EP400: variants seen among roughly 807,000 people sequenced by gnomAD.
The protein encoded by EP400 is E1A binding protein p400.
EP400 carries 105 observed loss-of-function variants against 354.1 expected under a neutral mutation model. That is an observed-to-expected ratio of 0.30 (90% CI 0.25 to 0.35). The LOEUF is 0.35. Ranked by LOEUF, EP400 falls within the 10% of genes least tolerant of loss-of-function variation. EP400 has a pLI of 1.00. For missense variants in EP400, 3,280 were observed against 4,121.0 expected (o/e 0.80, Z 5.59); for synonymous variants, 1,646 against 1,716.9 (o/e 0.96, Z 1.02).
In EP400 at chr12:132,045,811, G is replaced by A. The variant is rs186391694; in HGVS notation, c.7111G>A (p.Val2371Ile). ...HTPNWDLVSDVVNSCSRIYRS... is the reference protein window; with the variant it reads ...HTPNWDLVSDIVNSCSRIYRS... ...ACCTAATTGGGATCTTGTCAGTGACGTTGTTAACTCCTGTAGCCGAATCTA... is the reference window on the plus strand; with the variant it reads ...ACCTAATTGGGATCTTGTCAGTGACATTGTTAACTCCTGTAGCCGAATCTA... The change falls in exon 39 of 53, where the codon GTT becomes ATT. Residue 2371 changes from valine to isoleucine, a missense_variant. Val to Ile is a conservative substitution (Grantham distance 29). Coordinates refer to ENST00000389561, the MANE Select transcript of EP400 (RefSeq NM_015409.5). The A allele has an allele frequency of 1.5e-5, 24 of 1,614,192 alleles. No individual in the cohort carries two copies. The highest frequency in any genetic ancestry group is 6.7e-5 in the Admixed American group (4 of 60,020).
rs779290799 is a variant in EP400 at position 132,053,374 on chromosome 12, C to T, written c.7505C>T (p.Pro2502Leu). The T allele has an allele frequency of 1.3e-5, 20 of 1,569,870 alleles. No individual in the cohort carries two copies. Among genetic ancestry groups the T allele is most frequent in the African/African-American group, 8.1e-5 (6 of 74,364 alleles). ...GCTGATCAGCAGAAGGCACAGCAGC[C>T]GGCCGTGGCCCAGCCACCCCCGCCC... Reference protein sequence around the residue: ...ALADQQKAQQPAVAQPPPPQP... With the variant: ...ALADQQKAQQLAVAQPPPPQP... Residue 2502 changes from proline to leucine, a missense_variant, in exon 43 of 53, where the codon CCG (proline) becomes CTG (leucine). Around this residue, in one of 20 missense-constraint regions of EP400, gnomAD observed 255 missense variants for 295.9 expected, o/e 0.86. Transcript: ENST00000389561.
At chr12:132,028,394 C>G in intron 27 of EP400, 106 bp downstream of exon 27, 1 of 1,373,038 alleles carries the variant, frequency 7.3e-7, no homozygotes, top group Admixed American at 1.8e-5. Context: ...CGGCTTCTCC[C>G]CACGCTGTCC....
chr12:131,977,754 G>A (rs1593320716), intron 2 of EP400, among the ~76,000 whole-genome samples: 1 of 151,748 alleles, frequency 6.6e-6, no homozygotes, highest in African/African-American at 2.4e-5. Context: ...AAATGTAAAC[G>A]GCAGTGCCTT....
At chr12:132,062,742 G>A (rs753477741) in intron 47 of EP400, 41 bp downstream of exon 47, 28 of 1,606,596 alleles carry the variant, frequency 1.7e-5, no homozygotes, top group African/African-American at 2.7e-5. Context: ...TGCGTCTTGC[G>A]GTCAGTCAGC....
chr12:131,983,556 C>T (rs1032218091), intron 5 of EP400, among the ~76,000 whole-genome samples: 6 of 152,340 alleles, frequency 3.9e-5, no homozygotes, highest in South Asian at 4.1e-4. Flanking sequence ...ACTCTCAGCC[C>T]CCTTGGTTCT....
At chr12:132,056,888 C>G (rs1171829695) in intron 45 of EP400, among the ~76,000 whole-genome samples, 3 of 152,188 alleles carry the variant, frequency 2.0e-5, no homozygotes, top group Admixed American at 2.0e-4. Flanking sequence ...ATGCAGCAGT[C>G]ACTTCACCAA....
chr12:132,053,117 T>C (rs1425248469), intron 41 of EP400, 29 bp from the exon 42 acceptor site: 2 of 1,613,252 alleles, frequency 1.2e-6, no homozygotes, highest in Non-Finnish European at 1.7e-6. Flanking sequence ...CTTGCCTGTA[T>C]GTTTTTAACC....
intron 1 of EP400, among the ~76,000 whole-genome samples, chr12:131,959,567 C>G (rs11246881): frequency 0.055 from 8,329 of 152,300 alleles, 332 homozygotes; most frequent in South Asian, 0.2. Flanking sequence ...GTTTCTCATC[C>G]ACTTGTGCTC....
intron 24 of EP400, 115 bp downstream of exon 24, chr12:132,024,056 C>T (rs1192718313): frequency 1.7e-6 from 2 of 1,161,810 alleles, no homozygotes; most frequent in Non-Finnish European, 2.3e-6. Flanking sequence ...TTCCCTGTGT[C>T]CGATGATGCA....
At position 132,076,599 on chromosome 12, in the gene EP400, A is replaced by G. The variant is rs1216568017; in HGVS notation, c.9099+6A>G. On this transcript the variant is annotated splice_donor_region_variant and intron_variant, in intron 52 of 52. Coordinates refer to ENST00000389561, the MANE Select transcript of EP400 (RefSeq NM_015409.5). ...TTGCCTCTGCTTCCCAGCAGGTAGG[A>G]CGCATAGACAAAGTGGAAACCTCAC... 40 of 1,604,358 alleles carry G rather than the reference A, an allele frequency of 2.5e-5. No homozygotes were observed. The highest frequency in any genetic ancestry group is 3.3e-5 in the Non-Finnish European group (39 of 1,173,018).
In EP400 at chr12:132,054,239, T is replaced by C. The variant is rs1039344833; in HGVS notation, c.7728+642T>C. ...AATTGGGGAAACCCACACTTTGGAC[T>C]ACCAGGCAGGCATAAAAATATTTTT... On this transcript the variant is annotated intron_variant, in intron 43 of 52. Transcript: ENST00000389561. This position sits in a 1 kb window ranked among gnomAD's most constrained non-coding sequence, Gnocchi z 4.0. Among the ~76,000 whole-genome samples, 2 of 152,252 alleles carry C rather than the reference T, an allele frequency of 1.3e-5. No homozygotes were observed. Among genetic ancestry groups the C allele is most frequent in the African/African-American group, 4.8e-5 (2 of 41,478 alleles).
chr12:132,049,226 C>G (rs751354385), intron 39 of EP400, among the ~76,000 whole-genome samples: 1 of 152,254 alleles, frequency 6.6e-6, no homozygotes, highest in African/African-American at 2.4e-5. Context: ...AGTTCCATTA[C>G]CAGACACACG....
chr12:132,036,991 C>T (rs1425772088), intron 30 of EP400, among the ~76,000 whole-genome samples: 1 of 152,152 alleles, frequency 6.6e-6, no homozygotes, highest in African/African-American at 2.4e-5. Flanking sequence ...TTGTTTTCAT[C>T]TCTGAAAATC....
chr12:132,064,404 T>C (rs1251182192), intron 47 of EP400, among the ~76,000 whole-genome samples: 1 of 152,266 alleles, frequency 6.6e-6, no homozygotes, highest in African/African-American at 2.4e-5. Flanking sequence ...TCGACTTGTT[T>C]GTGAGGATAA....
At chr12:132,053,299 G>T in intron 42 of EP400, 44 bp from the exon 43 acceptor site, 1 of 1,603,176 alleles carries the variant, frequency 6.2e-7, no homozygotes. Flanking sequence ...TATGCAGGCC[G>T]AGTCTGCCCC....
intron 2 of EP400, among the ~76,000 whole-genome samples, chr12:131,967,657 T>G (rs903520568): frequency 7.9e-5 from 12 of 151,556 alleles, no homozygotes; most frequent in African/African-American, 2.7e-4. Flanking sequence ...ACCACTGCAC[T>G]CTAGCCTGGG....
chr12:131,963,393 C>T (rs1891967054), intron 2 of EP400: 1 of 643,114 alleles, frequency 1.6e-6, no homozygotes, highest in South Asian at 1.9e-5. Context: ...AGTTCAGTAT[C>T]CTTTCACAGG....
intron 12 of EP400, among the ~76,000 whole-genome samples, chr12:131,998,635 T>G (rs1893294453): frequency 6.7e-6 from 1 of 149,782 alleles, no homozygotes; most frequent in Admixed American, 6.6e-5. Flanking sequence ...TGTTTGTTAA[T>G]TCTTTGTATA....
chr12:131,961,768 C>T lies in EP400; in HGVS notation c.1149C>T (p.Phe383=), dbSNP rs560496486. ...YQEMQALKEV[F]KEYLIELFFL... is the part of the protein sequence containing the mutation. ...AGATGCAGGCTCTGAAGGAGGTCTT[C>T]AAGGAGTATTTGATTGAACTGTTTT... The change falls in exon 2 of 53, where the codon TTC becomes TTT. Residue 383 remains phenylalanine (F), a synonymous_variant. Coordinates refer to ENST00000389561, the MANE Select transcript of EP400 (RefSeq NM_015409.5). 9.5e-5 allele frequency: 153 copies of T among 1,614,240 alleles called. No individual in the cohort carries two copies. In the South Asian group the frequency reaches 1.6e-3, roughly 17 times the overall value.
Sources: allele counts gnomAD v4.1 joint callset (sites outside exome capture counted in the v4.1 genomes callset), GRCh38; gene constraint gnomAD v4.1.1; regional missense constraint gnomAD v4.1.1; non-coding constraint Gnocchi (gnomAD v3.1); transcripts MANE v1.5; gene names NCBI Gene and HGNC (gene_info 2026-07-23, HGNC 2026-07-21).